Variants in CLCNKB observed in about 807,000 individuals in gnomAD.
CLCNKB encodes the protein chloride voltage-gated channel Kb, also known as chloride channel protein ClC-Kb.
In CLCNKB, 74 loss-of-function variants were observed where a neutral mutation model predicts 83.8. The ratio of observed to expected loss-of-function variants is 0.88; its 90% CI spans 0.73 to 1.07. The LOEUF (loss-of-function observed/expected upper bound fraction) is 1.07, where lower values mean the gene tolerates loss of function less well. Among genes scored for constraint, CLCNKB ranks in the 50% least tolerant of loss-of-function variants. The pLI, the probability that CLCNKB is intolerant of heterozygous loss-of-function variation, is 0.00. For synonymous variants in CLCNKB, 358 were observed against 356.6 expected (o/e 1.00, Z -0.04); for missense variants, 798 against 893.6 (o/e 0.89, Z 1.36).
Position 16,049,909 on chromosome 1 carries a change from G to C in CLCNKB, c.961G>C (p.Ala321Pro). Residue 321 changes from alanine (A) to proline (P), a missense_variant, in exon 10 of 20, where the codon GCC (alanine) becomes CCC (proline). Ala to Pro is a conservative substitution (Grantham distance 27, BLOSUM62 -1). Coordinates refer to ENST00000375679, the MANE Select transcript of CLCNKB (RefSeq NM_000085.5). ...RNNRFSSKLL[A>P]TSKPVYSALA... ...CAATAGGTTCAGCTCCAAACTGCTG[G>C]CCACCAGGTAGGCTCCGGGCTAAGG... 6.2e-7 allele frequency: 1 copy of C among 1,609,130 alleles called. No homozygotes were observed.
In CLCNKB at chr1:16,050,992, T is replaced by C. The variant is rs754672425; in HGVS notation, c.1171T>C (p.Trp391Arg). ...ELDPQHLWWEWYHPRFTIFGT... is the reference protein window; with the variant it reads ...ELDPQHLWWERYHPRFTIFGT... ...CGACCCCCAGCACCTGTGGTGGGAA[T>C]GGTACCACCCGCGGTTCACCATCTT... Residue 391 changes from tryptophan to arginine, a missense_variant, in exon 12 of 20, where the codon TGG becomes CGG. Trp to Arg is a moderately radical substitution (Grantham distance 101). Coordinates refer to ENST00000375679, the MANE Select transcript of CLCNKB (RefSeq NM_000085.5). 5 of 1,613,948 alleles carry C rather than the reference T, an allele frequency of 3.1e-6. No individual in the cohort carries two copies. In the East Asian group the frequency reaches 1.1e-4, roughly 36 times the overall value.
At chr1:16,054,308 G>A (rs1263298421) in intron 16 of CLCNKB, among the ~76,000 whole-genome samples, 1 of 152,170 alleles carries the variant, frequency 6.6e-6, no homozygotes, top group Non-Finnish European at 1.5e-5. Context: ...CAAGGCTGCT[G>A]TCAGCCCATG....
In CLCNKB at chr1:16,049,652, G is replaced by T; in HGVS notation, c.816G>T (p.Arg272=). Residue 272 remains arginine, a synonymous_variant, in exon 9 of 20, where the codon CGG becomes CGT. Coordinates refer to ENST00000375679, the MANE Select transcript of CLCNKB (RefSeq NM_000085.5). ...CCTCCCTCTACAAGACCAGTTTCCGGGTGGACGTTCCCTTCGACCTGCCTG... is the reference window on the plus strand; with the variant it reads ...CCTCCCTCTACAAGACCAGTTTCCGTGTGGACGTTCCCTTCGACCTGCCTG... ...TITSLYKTSF[R]VDVPFDLPEI... 3.7e-6 allele frequency: 6 copies of T among 1,609,686 alleles called. No individual in the cohort carries two copies. Among genetic ancestry groups the T allele is most frequent in the Non-Finnish European group, 5.1e-6 (6 of 1,177,984 alleles).
At chr1:16,046,267 C>A (rs187539589) in intron 3 of CLCNKB, among the ~76,000 whole-genome samples, 117 of 152,306 alleles carry the variant, frequency 7.7e-4, no homozygotes, top group Non-Finnish European at 1.2e-3. Flanking sequence ...GAGGAAGAGC[C>A]CATCACGAGC....
In CLCNKB at chr1:16,052,225, C is replaced by T. The variant is rs1434622737; in HGVS notation, c.1436C>T (p.Thr479Ile). The T allele has an allele frequency of 5.6e-6, 9 of 1,613,182 alleles. No homozygotes were observed. The highest frequency in any genetic ancestry group is 7.6e-6 in the Non-Finnish European group (9 of 1,179,976). ...GCTGCAGCCTTCTCAGGGGCTGTGA[C>T]CCACACCATCTCCACGGCGCTGCTG... ...AGAAAFSGAV[T>I]HTISTALLAF... The change falls in exon 15 of 20, where the codon ACC becomes ATC. Residue 479 changes from threonine (T) to isoleucine (I), a missense_variant. Transcript: ENST00000375679.
rs1250998917 is a variant in CLCNKB at position 16,056,516 on chromosome 1, G to C, written c.2016+8G>C. The C allele has an allele frequency of 6.2e-7, 1 of 1,612,138 alleles. No individual in the cohort carries two copies. The highest frequency in any genetic ancestry group is 1.7e-5 in the Admixed American group (1 of 59,916). On this transcript the variant is annotated splice_region_variant and intron_variant, in intron 19 of 19. Transcript: ENST00000375679. ...TGCGTGTCCTGGGTGGAGGTACCAGGGTCCCGGGGGCAGAGCAAAGCAGGG... is the reference window on the plus strand; with the variant it reads ...TGCGTGTCCTGGGTGGAGGTACCAGCGTCCCGGGGGCAGAGCAAAGCAGGG...
At chr1:16,050,758 A>T (rs368794099) in intron 11 of CLCNKB, 117 bp from the exon 12 acceptor site, 17 of 1,549,014 alleles carry the variant, frequency 1.1e-5, no homozygotes, top group East Asian at 2.3e-5. Flanking sequence ...GCCCTGCCCA[A>T]GGCCCCCCGC....
chr1:16,050,184 C>T (rs560542585), intron 10 of CLCNKB, among the ~76,000 whole-genome samples: 1 of 151,122 alleles, frequency 6.6e-6, no homozygotes, highest in Non-Finnish European at 1.5e-5. Context: ...GACCTTTAAC[C>T]CCCTGTTGGT....
chr1:16,056,162 G>C (rs906800049), intron 18 of CLCNKB, among the ~76,000 whole-genome samples: 1 of 152,184 alleles, frequency 6.6e-6, no homozygotes, highest in African/African-American at 2.4e-5. Flanking sequence ...GCTGACAGGG[G>C]ACCTGGAGAT....
At chr1:16,046,461 A>C (rs1333873098) in intron 3 of CLCNKB, 74 bp from the exon 4 acceptor site, 130 of 1,599,574 alleles carry the variant, frequency 8.1e-5, no homozygotes, top group Non-Finnish European at 1.0e-4. Context: ...CTGGTCAGTA[A>C]GTGGGCACCA....
In CLCNKB at chr1:16,050,571, C is replaced by T. The variant is rs780246914; in HGVS notation, c.1024C>T (p.Pro342Ser). ...TLVLASITYP[P>S]SAGRFLASRL... ...GGTTCTCGCCTCCATCACCTACCCA[C>T]CCAGCGCCGGCCGCTTCCTAGCTTC... Residue 342 changes from proline to serine, a missense_variant, in exon 11 of 20, where the codon CCC becomes TCC. Physicochemically the swap from Pro to Ser is moderately conservative, Grantham distance 74 (BLOSUM62 -1). Coordinates refer to ENST00000375679, the MANE Select transcript of CLCNKB (RefSeq NM_000085.5). 1.7e-5 allele frequency: 28 copies of T among 1,614,036 alleles called. No homozygotes were observed. Among genetic ancestry groups the T allele is most frequent in the Non-Finnish European group, 2.5e-6 (3 of 1,180,020 alleles).
rs773398047 is a variant in CLCNKB at position 16,049,100 on chromosome 1, G to C, written c.656-20G>C. 30 of 1,613,526 alleles carry C rather than the reference G, an allele frequency of 1.9e-5. No individual in the cohort carries two copies. The highest frequency in any genetic ancestry group is 2.5e-5 in the Non-Finnish European group (29 of 1,180,006). On this transcript the variant is annotated intron_variant, in intron 7 of 19. Transcript: ENST00000375679. ...GTGGGTGGGGGTGGAGGGCCCACCT[G>C]AGATCAGTGTCGCCCCCAGGCGTCC...
chr1:16,054,609 C>A (rs987002720), intron 16 of CLCNKB, among the ~76,000 whole-genome samples: 1 of 152,156 alleles, frequency 6.6e-6, no homozygotes, highest in Non-Finnish European at 1.5e-5. Context: ...TTCTTTCCCC[C>A]ACTAACTGGA....
At position 16,052,241 on chromosome 1, in the gene CLCNKB, G is replaced by C; in HGVS notation, c.1452G>C (p.Thr484=). Residue 484 remains threonine (T), a synonymous_variant, in exon 15 of 20, where the codon ACG becomes ACC. Transcript: ENST00000375679. ...FSGAVTHTIS[T]ALLAFEVTGQ... Reference sequence around the variant, plus strand: ...GGGCTGTGACCCACACCATCTCCACGGCGCTGCTGGCCTTCGAGGTGACCG... The same window carrying C: ...GGGCTGTGACCCACACCATCTCCACCGCGCTGCTGGCCTTCGAGGTGACCG... 1 of 1,613,260 alleles carries C rather than the reference G, an allele frequency of 6.2e-7. No individual in the cohort carries two copies. Among genetic ancestry groups the C allele is most frequent in the Non-Finnish European group, 8.5e-7 (1 of 1,180,034 alleles).
chr1:16,053,542 G>A (rs2023355681), intron 15 of CLCNKB, 97 bp from the exon 16 acceptor site: 2 of 1,575,808 alleles, frequency 1.3e-6, no homozygotes, highest in Non-Finnish European at 1.7e-6. Flanking sequence ...CAGAGCCGTG[G>A]GTCCCCGGTT....
chr1:16,049,926 G>C lies in CLCNKB; in HGVS notation c.968+10G>C, dbSNP rs1225102251. The C allele has an allele frequency of 1.3e-6, 2 of 1,505,122 alleles. No individual in the cohort carries two copies. Among genetic ancestry groups the C allele is most frequent in the South Asian group, 1.1e-5 (1 of 87,154 alleles). 93.2% of individuals were successfully genotyped at this position (1,505,122 alleles called of 1,614,324 possible). A position where few individuals can be genotyped will look rare whatever the true frequency, so the allele number is the denominator to read the frequency against. Reference sequence around the variant, plus strand: ...AACTGCTGGCCACCAGGTAGGCTCCGGGCTAAGGGCTGGGGACCTCTCAGC... The same window carrying C: ...AACTGCTGGCCACCAGGTAGGCTCCCGGCTAAGGGCTGGGGACCTCTCAGC... On this transcript the variant is annotated intron_variant, in intron 10 of 19. Transcript: ENST00000375679.
chr1:16,047,232 C>G (rs1048037979), intron 4 of CLCNKB, among the ~76,000 whole-genome samples: 1 of 152,042 alleles, frequency 6.6e-6, no homozygotes, highest in Non-Finnish European at 1.5e-5. Flanking sequence ...TCACTTGTGC[C>G]TAGAGTTTGA....
chr1:16,055,559 G>A, intron 17 of CLCNKB, 36 bp downstream of exon 17: 4 of 1,489,486 alleles, frequency 2.7e-6, no homozygotes, highest in Non-Finnish European at 3.7e-6. Flanking sequence ...ATGGGGCGGG[G>A]GTGGGTCAGC....
At position 16,057,039 on chromosome 1, in the gene CLCNKB, A is replaced by C. The variant is rs1473936399; in HGVS notation, c.*123A>C. The C allele has an allele frequency of 1.1e-6, 1 of 949,054 alleles. No individual in the cohort carries two copies. Among genetic ancestry groups the C allele is most frequent in the Non-Finnish European group, 1.7e-6 (1 of 594,200 alleles). 58.8% of individuals were successfully genotyped at this position (949,054 alleles called of 1,614,324 possible). Reference sequence around the variant, plus strand: ...CTCCAGCCCAGCTCCATTCTTTGGCATAACAGGCAACTTTAACCTAGCCCA... The same window carrying C: ...CTCCAGCCCAGCTCCATTCTTTGGCCTAACAGGCAACTTTAACCTAGCCCA... On this transcript the variant is annotated 3_prime_UTR_variant, in exon 20 of 20. Transcript: ENST00000375679.
Sources: allele counts gnomAD v4.1 joint callset (sites outside exome capture counted in the v4.1 genomes callset), GRCh38; gene constraint gnomAD v4.1.1; transcripts MANE v1.5; gene names NCBI Gene and HGNC (gene_info 2026-07-23, HGNC 2026-07-21).